The following WWOX variants were observed in gnomAD, a reference collection of about 807,000 sequenced individuals.
WWOX encodes WW domain-containing oxidoreductase.
In WWOX, 69 loss-of-function variants were observed where a neutral mutation model predicts 46.2. The ratio of observed to expected loss-of-function variants is 1.49; its 90% CI spans 1.23 to 1.82. The LOEUF (loss-of-function observed/expected upper bound fraction) is 1.82. WWOX is among the 40% of genes most tolerant of loss of function. WWOX has a pLI of 0.00. For synonymous variants in WWOX, 359 were observed against 202.6 expected, an observed-to-expected ratio of 1.77 and a Z score of -6.56; for missense variants, 919 against 542.6, an observed-to-expected ratio of 1.69 and a Z score of -6.89.
chr16:78,521,524 T>C (rs191205275), intron 8 of WWOX, among the ~76,000 whole-genome samples: 2 of 152,214 alleles, frequency 1.3e-5, no homozygotes, highest in African/African-American at 2.4e-5. Flanking sequence ...ATTATGTGTT[T>C]AGGTTTCCTC....
intron 5 of WWOX, among the ~76,000 whole-genome samples, chr16:78,189,111 T>C (rs532496631): frequency 1.3e-5 from 2 of 152,040 alleles, no homozygotes; most frequent in East Asian, 1.9e-4. Context: ...ATCTGGAGGG[T>C]AGAGTTGCAA....
chr16:78,432,821 C>G, intron 8 of WWOX, 69 bp downstream of exon 8: 1 of 1,610,104 alleles, frequency 6.2e-7, no homozygotes, highest in Admixed American at 1.7e-5. Flanking sequence ...TGTGTCTCCA[C>G]CTTTTTACCT....
chr16:78,888,356 A>G (rs2044512532), intron 8 of WWOX, among the ~76,000 whole-genome samples: 1 of 152,156 alleles, frequency 6.6e-6, no homozygotes, highest in Non-Finnish European at 1.5e-5. Context: ...AATCCCAGGT[A>G]CCTGCCCAGA....
At chr16:78,819,181 C>G (rs888615597) in intron 8 of WWOX, among the ~76,000 whole-genome samples, 11 of 152,176 alleles carry the variant, frequency 7.2e-5, no homozygotes, top group African/African-American at 2.7e-4. Context: ...CTTCTCAGCC[C>G]CATCAGGTTC....
chr16:78,579,651 G>C (rs2044997843), intron 8 of WWOX, among the ~76,000 whole-genome samples: 1 of 152,194 alleles, frequency 6.6e-6, no homozygotes, highest in Non-Finnish European at 1.5e-5. Flanking sequence ...GGAAATGTAA[G>C]AGATCATCTC....
intron 8 of WWOX, among the ~76,000 whole-genome samples, chr16:78,941,217 G>T (rs2045845335): frequency 1.3e-5 from 2 of 152,174 alleles, no homozygotes; most frequent in African/African-American, 4.8e-5. Flanking sequence ...TCATGTAGTG[G>T]AGAGCGTGTT....
chr16:79,106,456 T>C (rs2049309093), intron 8 of WWOX, among the ~76,000 whole-genome samples: 1 of 152,146 alleles, frequency 6.6e-6, no homozygotes, highest in South Asian at 2.1e-4. Flanking sequence ...GGGATGAATC[T>C]GGGGACACTT....
At chr16:78,255,077 TG>T (rs1318564112) in intron 5 of WWOX, among the ~76,000 whole-genome samples, 4 of 152,240 alleles carry the variant, frequency 2.6e-5, no homozygotes, top group Non-Finnish European at 5.9e-5. Context: ...TTCATGTTCC[TG>T]GCCTTTATGC....
chr16:78,482,540 A>G (rs1275314727), intron 8 of WWOX, among the ~76,000 whole-genome samples: 2 of 152,206 alleles, frequency 1.3e-5, no homozygotes, highest in African/African-American at 4.8e-5. Context: ...TCCATTATTT[A>G]AGAAAAATTA....
At chr16:78,263,594 A>T (rs1285956377) in intron 5 of WWOX, among the ~76,000 whole-genome samples, 1 of 152,130 alleles carries the variant, frequency 6.6e-6, no homozygotes, top group Admixed American at 6.5e-5. Context: ...AGCTTTGCAG[A>T]GACTTTGTGA....
chr16:78,676,673 G>C (rs2047607496), intron 8 of WWOX, among the ~76,000 whole-genome samples: 1 of 152,148 alleles, frequency 6.6e-6, no homozygotes, highest in South Asian at 2.1e-4. Flanking sequence ...GCTGAGTGAA[G>C]AAACATTGCT....
intron 8 of WWOX, among the ~76,000 whole-genome samples, chr16:78,468,264 CTT>C (rs57174158): frequency 0.031 from 4,272 of 136,484 alleles, 214 homozygotes; most frequent in African/African-American, 0.11. Flanking sequence ...GGCTGCCTTT[CTT>C]TTTTTTTTTT....
chr16:78,902,592 A>G (rs1323767177), intron 8 of WWOX, among the ~76,000 whole-genome samples: 1 of 152,232 alleles, frequency 6.6e-6, no homozygotes, highest in Non-Finnish European at 1.5e-5. Context: ...ATCTGACACC[A>G]GCTTCCCAGT....
rs773897653 is a variant in WWOX, at chr16:79,132,277, T to C, written c.1057-79331T>C. ...TACATTTTACATAAAAAGGCAGCAGTGGTGAAGCTGGAAGAGGGCACCTAG... is the reference window on the plus strand; with the variant it reads ...TACATTTTACATAAAAAGGCAGCAGCGGTGAAGCTGGAAGAGGGCACCTAG... On this transcript the variant is annotated intron_variant, in intron 8 of 8. Transcript: ENST00000566780. 1.2e-3 allele frequency among the ~76,000 whole-genome samples: 181 copies of C among 152,146 alleles called. 2 individuals carry two copies. The highest frequency in any genetic ancestry group is 1.9e-4 in the Non-Finnish European group (13 of 68,030).
chr16:78,615,144 A>G (rs2045990913), intron 8 of WWOX, among the ~76,000 whole-genome samples: 1 of 152,236 alleles, frequency 6.6e-6, no homozygotes, highest in Non-Finnish European at 1.5e-5. Flanking sequence ...CTAAATTAAA[A>G]TACTCACATT....
At chr16:78,568,885 C>T (rs949466952) in intron 8 of WWOX, among the ~76,000 whole-genome samples, 3 of 152,220 alleles carry the variant, frequency 2.0e-5, no homozygotes, top group Non-Finnish European at 4.4e-5. Context: ...TACGGGCTAT[C>T]AGTAGATGCA....
chr16:78,545,510 G>A (rs780949317), intron 8 of WWOX, among the ~76,000 whole-genome samples: 2 of 152,138 alleles, frequency 1.3e-5, no homozygotes, highest in African/African-American at 2.4e-5. Flanking sequence ...CTGCAACCAT[G>A]TCTGGCTTAA....
At chr16:78,990,657 G>C (rs1022012362) in intron 8 of WWOX, among the ~76,000 whole-genome samples, 1 of 152,024 alleles carries the variant, frequency 6.6e-6, no homozygotes, top group African/African-American at 2.4e-5. Flanking sequence ...AGAAGAAAAA[G>C]GAGGAAGGAA....
intron 8 of WWOX, among the ~76,000 whole-genome samples, chr16:78,798,926 T>C (rs2050813955): frequency 6.6e-6 from 1 of 152,174 alleles, no homozygotes; most frequent in Non-Finnish European, 1.5e-5. Context: ...TTGCTGCCAG[T>C]GGTTTTATGG....
Sources: gnomAD v4.1 joint callset for allele counts (sites outside exome capture counted in the v4.1 genomes callset) on GRCh38, gnomAD v4.1.1 for gene constraint, MANE v1.5 for transcripts, NCBI Gene and HGNC (gene_info 2026-07-23, HGNC 2026-07-21) for gene names.